Variants in CERS3 observed in about 807,000 individuals in gnomAD.
CERS3 encodes the protein ceramide synthase 3.
In CERS3, 33 loss-of-function variants were observed where a neutral mutation model predicts 50.3. The ratio of observed to expected loss-of-function variants is 0.66; its 90% CI spans 0.50 to 0.88. The LOEUF is 0.88. Among genes scored for constraint, CERS3 ranks in the 40% least tolerant of loss-of-function variants. The pLI is 0.00. For missense variants in CERS3, 470 were observed against 460.3 expected, an observed-to-expected ratio of 1.02 and a Z score of -0.19; for synonymous variants, 176 against 155.2, an observed-to-expected ratio of 1.13 and a Z score of -0.99.
intron 11 of CERS3, among the ~76,000 whole-genome samples, chr15:100,451,662 G>A (rs112188957): frequency 9.9e-5 from 15 of 152,202 alleles, no homozygotes; most frequent in African/African-American, 3.4e-4. Context: ...AGCCAAGATC[G>A]TGCCTCTGCA....
rs769558545 is a variant in CERS3 at position 100,456,059 on chromosome 15, A to G, written c.846-13T>C. ...GCAATATAAAATCCTGAAACACCAA[A>G]CAGTTGAGAGAATTTCATTACAACC... On this transcript the variant is annotated splice_polypyrimidine_tract_variant and intron_variant, in intron 10 of 11. Transcript: ENST00000679737. The G allele has an allele frequency of 6.3e-7, 1 of 1,589,226 alleles. No homozygotes were observed. The highest frequency in any genetic ancestry group is 1.2e-5 in the South Asian group (1 of 86,942).
chr15:100,450,451 G>C lies in CERS3; in HGVS notation c.999+5442C>G, dbSNP rs568085380. 4.3e-5 allele frequency among the ~76,000 whole-genome samples: 6 copies of C among 139,742 alleles called. No homozygotes were observed. In the South Asian group the frequency reaches 1.4e-3, roughly 32 times the overall value. The allele number at this position is 139,742 out of a possible 152,430, so 91.7% of individuals were successfully genotyped here. On this transcript the variant is annotated intron_variant, in intron 11 of 11. Transcript: ENST00000679737. ...AAAAAAAAAAAAAAGACTAGATCAA[G>C]CAGAAGAAAGAATTTCAGAACTTGA...
intron 11 of CERS3, among the ~76,000 whole-genome samples, chr15:100,414,368 G>C (rs1169152931): frequency 6.6e-6 from 1 of 152,064 alleles, no homozygotes; most frequent in African/African-American, 2.4e-5. Flanking sequence ...GTAATTTACA[G>C]ATTCAATGCT....
chr15:100,402,972 A>G, intron 11 of CERS3, 107 bp from the exon 12 acceptor site: 1 of 1,087,262 alleles, frequency 9.2e-7, no homozygotes, highest in Non-Finnish European at 1.3e-6. Context: ...GGAAAACCCA[A>G]TATCCAAATA....
chr15:100,507,954 T>C (rs947611343), intron 2 of CERS3, among the ~76,000 whole-genome samples: 1 of 151,758 alleles, frequency 6.6e-6, no homozygotes, highest in Non-Finnish European at 1.5e-5. Context: ...TTCAATGATG[T>C]GAGTTGCCTC....
intron 1 of CERS3, among the ~76,000 whole-genome samples, chr15:100,525,005 T>C (rs1434113744): frequency 6.6e-6 from 1 of 152,206 alleles, no homozygotes; most frequent in African/African-American, 2.4e-5. Context: ...GGTTTCAAGC[T>C]CCTTAATGTA....
At chr15:100,477,549 A>G (rs2035171309) in intron 7 of CERS3, among the ~76,000 whole-genome samples, 1 of 152,196 alleles carries the variant, frequency 6.6e-6, no homozygotes, top group African/African-American at 2.4e-5. Flanking sequence ...TAAAGAGAAG[A>G]AAAATGCACT....
At chr15:100,449,914 C>T (rs923390178) in intron 11 of CERS3, among the ~76,000 whole-genome samples, 9 of 151,864 alleles carry the variant, frequency 5.9e-5, no homozygotes, top group African/African-American at 2.2e-4. Flanking sequence ...TAAGATATCC[C>T]TGAAAAAGAA....
intron 11 of CERS3, among the ~76,000 whole-genome samples, chr15:100,452,880 C>A (rs2142188341): frequency 6.6e-6 from 1 of 152,084 alleles, no homozygotes; most frequent in South Asian, 2.1e-4. Flanking sequence ...TATACACTAA[C>A]AAACTGGAAA....
intron 11 of CERS3, among the ~76,000 whole-genome samples, chr15:100,411,417 C>G (rs1325248098): frequency 2.0e-5 from 3 of 152,144 alleles, no homozygotes; most frequent in Admixed American, 6.5e-5. Context: ...CCGCCTCGGG[C>G]TCCCAAAGTG....
intron 11 of CERS3, among the ~76,000 whole-genome samples, chr15:100,406,725 T>G (rs2031057311): frequency 6.6e-6 from 1 of 152,208 alleles, no homozygotes; most frequent in African/African-American, 2.4e-5. Context: ...TGGTTGATGC[T>G]TGCATAGTCA....
At chr15:100,480,678 A>T (rs2035270477) in intron 5 of CERS3, among the ~76,000 whole-genome samples, 1 of 152,244 alleles carries the variant, frequency 6.6e-6, no homozygotes, top group Non-Finnish European at 1.5e-5. Flanking sequence ...GGAAATCTAA[A>T]CACTGAATAT....
chr15:100,401,436 G>A lies in CERS3; in HGVS notation c.*1277C>T, dbSNP rs8025954. The A allele has an allele frequency of 6.6e-6, 1 of 152,110 alleles. No individual in the cohort carries two copies. The highest frequency in any genetic ancestry group is 6.5e-5 in the Admixed American group (1 of 15,284). The allele number at this position is 152,110 out of a possible 1,614,324, so 9.4% of individuals were successfully genotyped here. ...CAAGTCTTCTCCGGTGCTCCCTTCC[G>A]GAGGGTGAGGACAAGCTGGCTACTG... On this transcript the variant is annotated 3_prime_UTR_variant, in exon 12 of 12. Coordinates refer to ENST00000679737, the MANE Select transcript of CERS3 (RefSeq NM_001378789.1).
intron 11 of CERS3, among the ~76,000 whole-genome samples, chr15:100,416,062 C>A (rs1231643487): frequency 1.3e-5 from 2 of 152,084 alleles, no homozygotes; most frequent in East Asian, 1.9e-4. Context: ...GCCATACTAC[C>A]CAAAGCAACT....
intron 1 of CERS3, among the ~76,000 whole-genome samples, chr15:100,523,517 C>T (rs113829849): frequency 0.01 from 1,531 of 151,840 alleles, 38 homozygotes; most frequent in African/African-American, 0.034. Context: ...CTGGCTAACA[C>T]GGTGAAACCC....
In CERS3 at chr15:100,536,210, AC is replaced by A. The variant is rs531103090; in HGVS notation, c.-354-7136del. On this transcript the variant is annotated intron_variant, in intron 1 of 12. Transcript: ENST00000284382. ...GCTCATATGTTAAGCATGAATTAAGACCACAGAGAAGATTGACTCTCAAGAT... is the reference window on the plus strand; with the variant it reads ...GCTCATATGTTAAGCATGAATTAAGACACAGAGAAGATTGACTCTCAAGAT... Among the ~76,000 whole-genome samples the A allele has an allele frequency of 2.5e-3, 381 of 151,256 alleles. 5 individuals are homozygous for A. The highest frequency in any genetic ancestry group is 8.8e-3 in the African/African-American group (355 of 40,560).
intron 10 of CERS3, among the ~76,000 whole-genome samples, chr15:100,469,021 G>A (rs534583805): frequency 2.0e-5 from 3 of 152,178 alleles, no homozygotes; most frequent in Non-Finnish European, 4.4e-5. Context: ...TTGTAACACA[G>A]AACATACCTC....
intron 10 of CERS3, among the ~76,000 whole-genome samples, chr15:100,461,929 G>T (rs1011719498): frequency 6.6e-6 from 1 of 152,126 alleles, no homozygotes; most frequent in Admixed American, 6.6e-5. Context: ...CTTCAATAAA[G>T]GATGGTCTAG....
At position 100,466,840 on chromosome 15, in the gene CERS3, C is replaced by CTCTCTCT. The variant is rs1555528083; in HGVS notation, c.845+2537_845+2538insAGAGAGA. On this transcript the variant is annotated intron_variant, in intron 10 of 11. Transcript: ENST00000679737. ...CCCTCTCTCCCTCTCTCCCTCTCTC[C>CTCTCTCT]CTCTCTCTTTCTCTCTTTCTTTCTT... is the stretch of plus-strand genomic sequence containing the variant. 1.4e-3 allele frequency among the ~76,000 whole-genome samples: 41 copies of CTCTCTCT among 28,308 alleles called. 8 individuals are homozygous for CTCTCTCT. The highest frequency in any genetic ancestry group is 3.8e-3 in the East Asian group (3 of 782). The allele number at this position is 28,308 out of a possible 152,430, so 18.6% of individuals were successfully genotyped here. A position where few individuals can be genotyped will look rare whatever the true frequency, so the allele number is the denominator to read the frequency against.
Sources: allele counts gnomAD v4.1 joint callset (sites outside exome capture counted in the v4.1 genomes callset), GRCh38; gene constraint gnomAD v4.1.1; transcripts MANE v1.5; gene names NCBI Gene and HGNC (gene_info 2026-07-23, HGNC 2026-07-21).